CIMAP1D: variants seen among roughly 807,000 people sequenced by gnomAD.
The protein encoded by CIMAP1D is CIMAP1 family member D.
chr19:487,968 TTC>T, the CIMAP1D span, among the ~76,000 whole-genome samples: 9 of 152,134 alleles, frequency 5.9e-5, no homozygotes, highest in African/African-American at 2.2e-4. Flanking sequence ...CCTTGTCCTG[TTC>T]TGTTCCGATC....
chr19:483,803 TC>T, the CIMAP1D span, among the ~76,000 whole-genome samples: 1 of 152,254 alleles, frequency 6.6e-6, no homozygotes, highest in African/African-American at 2.4e-5. Context: ...CAACACTGTG[TC>T]CCCAGCTCCC....
chr19:484,727 G>A, the CIMAP1D span, among the ~76,000 whole-genome samples: 3 of 152,206 alleles, frequency 2.0e-5, no homozygotes, highest in African/African-American at 7.2e-5. Context: ...GGAGGCCAGG[G>A]TGGCTGCCGC....
the CIMAP1D span, among the ~76,000 whole-genome samples, chr19:476,016 T>TC: frequency 8.1e-6 from 1 of 123,048 alleles, no homozygotes; most frequent in Non-Finnish European, 1.6e-5. Flanking sequence ...TTTTTTTTTT[T>TC]GAGACAGAGT....
the CIMAP1D span, among the ~76,000 whole-genome samples, chr19:486,728 T>TA: frequency 1.2e-4 from 18 of 150,702 alleles, no homozygotes; most frequent in Middle Eastern, 3.4e-3. Context: ...TCCTGGCTAA[T>TA]ACAGTGAAAC....
the CIMAP1D span, chr19:474,883 G>A: frequency 4.3e-5 from 30 of 699,018 alleles, 1 homozygote; most frequent in East Asian, 5.1e-4. Context: ...GACCACAGCC[G>A]CACAGACGGC....
the CIMAP1D span, among the ~76,000 whole-genome samples, chr19:482,833 T>C: frequency 4.7e-4 from 72 of 152,232 alleles, 1 homozygote; most frequent in African/African-American, 1.6e-3. Context: ...CTGGCCGCCA[T>C]CATACGAGCA....
At chr19:474,404 A>G in the CIMAP1D span, among the ~76,000 whole-genome samples, 2 of 152,216 alleles carry the variant, frequency 1.3e-5, no homozygotes, top group African/African-American at 4.8e-5. Context: ...CGGCTGGCAA[A>G]GCACGCAGCT....
the CIMAP1D span, among the ~76,000 whole-genome samples, chr19:478,349 A>C: frequency 6.6e-6 from 1 of 152,248 alleles, no homozygotes; most frequent in Admixed American, 6.5e-5. Context: ...ACAGCCAGAG[A>C]CTTGGTTCCA....
At chr19:464,134 GGCGGGC>G in the CIMAP1D span, 1 of 491,114 alleles carries the variant, frequency 2.0e-6, no homozygotes, top group Non-Finnish European at 3.6e-6. Flanking sequence ...TCCTGCGGGG[GGCGGGC>G]GGGGGGGGTG....
the CIMAP1D span, chr19:489,283 AC>A: frequency 6.7e-6 from 1 of 149,344 alleles, no homozygotes; most frequent in Non-Finnish European, 1.5e-5. Flanking sequence ...CCCGACCGGG[AC>A]CCCCTACCCT....
chr19:477,447 G>A, the CIMAP1D span, among the ~76,000 whole-genome samples: 1 of 151,962 alleles, frequency 6.6e-6, no homozygotes, highest in East Asian at 1.9e-4. Context: ...AGTGGTGCAC[G>A]TCTGTAATCC....
chr19:464,634 C>T, the CIMAP1D span, among the ~76,000 whole-genome samples: 1 of 152,190 alleles, frequency 6.6e-6, no homozygotes, highest in Non-Finnish European at 1.5e-5. Context: ...AGAGCCCTCA[C>T]AGCCCTTCCA....
the CIMAP1D span, chr19:489,599 C>A: frequency 6.3e-6 from 1 of 158,800 alleles, no homozygotes; most frequent in Non-Finnish European, 1.4e-5. Flanking sequence ...TGTGCTGCAC[C>A]CGAAACAGGC....
the CIMAP1D span, chr19:474,893 C>T: frequency 1.4e-4 from 87 of 639,124 alleles, no homozygotes; most frequent in Non-Finnish European, 1.8e-4. Flanking sequence ...GCACAGACGG[C>T]CTCTTGTCCC....
the CIMAP1D span, among the ~76,000 whole-genome samples, chr19:484,139 C>CTTTTTTTTTTTTTT: frequency 1.5e-5 from 2 of 129,442 alleles, no homozygotes; most frequent in Non-Finnish European, 1.6e-5. Flanking sequence ...TTTTCTTTTT[C>CTTTTTTTTTTTTTT]TTTTTTTTTT....
chr19:474,307 G>A, the CIMAP1D span, among the ~76,000 whole-genome samples: 6 of 152,182 alleles, frequency 3.9e-5, no homozygotes, highest in Non-Finnish European at 8.8e-5. Context: ...TGAGGGCCAC[G>A]CTGGAAATAT....
the CIMAP1D span, chr19:490,208 T>G: frequency 6.6e-6 from 2 of 305,228 alleles, no homozygotes; most frequent in Non-Finnish European, 1.2e-5. Flanking sequence ...ATACAAAAAT[T>G]AGCCGGGCGT....
the CIMAP1D span, among the ~76,000 whole-genome samples, chr19:466,090 G>A: frequency 2.8e-5 from 4 of 144,408 alleles, no homozygotes; most frequent in Middle Eastern, 7.9e-3. Flanking sequence ...AGATGGTTGG[G>A]TGCAGGGTGG....
the CIMAP1D span, chr19:463,388 A>C: frequency 5.2e-6 from 1 of 194,102 alleles, no homozygotes; most frequent in Admixed American, 5.7e-5. Flanking sequence ...TTATTGGCTA[A>C]GCAACTGTAG....
Sources: allele counts gnomAD v4.1 joint callset (sites outside exome capture counted in the v4.1 genomes callset), GRCh38; gene constraint gnomAD v4.1.1; transcripts MANE v1.5; gene names NCBI Gene and HGNC (gene_info 2026-07-23, HGNC 2026-07-21).